Variants in DPY19L2 observed in about 807,000 individuals in gnomAD.
DPY19L2 encodes dpy-19 like 2, also known as probable C-mannosyltransferase DPY19L2.
DPY19L2 carries 34 observed loss-of-function variants against 97.9 expected under a neutral mutation model. That is an observed-to-expected ratio of 0.35 (90% CI 0.26 to 0.46). The LOEUF (loss-of-function observed/expected upper bound fraction) is 0.46. Among genes scored for constraint, DPY19L2 ranks in the 20% least tolerant of loss-of-function variants. DPY19L2 has a pLI of 1.00. For synonymous variants in DPY19L2, 230 were observed against 307.9 expected (o/e 0.75, Z 2.65); for missense variants, 623 against 911.4 (o/e 0.68, Z 4.07).
chr12:63,632,341 T>C (rs1256899855), intron 6 of DPY19L2, among the ~76,000 whole-genome samples: 1 of 152,156 alleles, frequency 6.6e-6, no homozygotes, highest in Non-Finnish European at 1.5e-5. Context: ...AAAATCTCCT[T>C]AAGCTGATAG....
chr12:63,562,503 G>A (rs1277801413), intron 21 of DPY19L2, among the ~76,000 whole-genome samples: 1 of 150,838 alleles, frequency 6.6e-6, no homozygotes, highest in Admixed American at 6.6e-5. Context: ...TACAATTACT[G>A]GGATGGATAT....
Position 63,600,350 on chromosome 12 carries a change from T to C in DPY19L2, c.1315A>G (p.Ile439Val), listed in dbSNP as rs1311302421. 4.4e-6 allele frequency: 7 copies of C among 1,609,010 alleles called. No individual in the cohort carries two copies. Among genetic ancestry groups the C allele is most frequent in the Non-Finnish European group, 5.9e-6 (7 of 1,177,444 alleles). Residue 439 changes from isoleucine to valine, a missense_variant, in exon 13 of 22, where the codon ATT (isoleucine) becomes GTT (valine). Around this residue, in one of 6 missense-constraint regions of DPY19L2, gnomAD observed 294 missense variants for 446.2 expected, o/e 0.66. Coordinates refer to ENST00000324472, the MANE Select transcript of DPY19L2 (RefSeq NM_173812.5). ...QGSAWWCGTI[I>V]LKFLTSKILG... ...ATTTTAGATGTCAGAAATTTCAAAA[T>C]GATTGTTCCACACCACCAGGCACTA...
intron 21 of DPY19L2, among the ~76,000 whole-genome samples, chr12:63,563,133 T>C (rs1380368616): frequency 6.6e-6 from 1 of 152,072 alleles, no homozygotes; most frequent in Admixed American, 6.6e-5. Flanking sequence ...TTTCTTATTA[T>C]TGGGTTTTGA....
intron 4 of DPY19L2, among the ~76,000 whole-genome samples, chr12:63,651,381 C>T (rs1894204823): frequency 6.6e-6 from 1 of 151,986 alleles, no homozygotes; most frequent in Non-Finnish European, 1.5e-5. Flanking sequence ...GCAATTGCAA[C>T]AAAACAAAGA....
rs1335115660 is a variant in DPY19L2 at position 63,630,768 on chromosome 12, T to C, written c.804-4242A>G. Among the ~76,000 whole-genome samples the C allele has an allele frequency of 2.6e-5, 4 of 152,230 alleles. No individual in the cohort carries two copies. The East Asian group carries it at 7.7e-4, about 29-fold the overall frequency. On this transcript the variant is annotated intron_variant, in intron 6 of 21. Transcript: ENST00000324472. Reference sequence around the variant, plus strand: ...TCCCAAATCAACAGAATATACATTCTTCTCAGCACCACACCGCACTTATTC... The same window carrying C: ...TCCCAAATCAACAGAATATACATTCCTCTCAGCACCACACCGCACTTATTC...
chr12:63,612,861 T>C (rs565848622), intron 11 of DPY19L2, among the ~76,000 whole-genome samples: 13 of 152,088 alleles, frequency 8.5e-5, no homozygotes, highest in Admixed American at 2.0e-4. Flanking sequence ...ATACTATAGA[T>C]ACATAAAAGA....
At chr12:63,633,884 T>TAA (rs1321617362) in intron 6 of DPY19L2, among the ~76,000 whole-genome samples, 2 of 152,248 alleles carry the variant, frequency 1.3e-5, no homozygotes, top group Admixed American at 1.3e-4. Flanking sequence ...TATGCAGCCA[T>TAA]AAAAAATGAT....
intron 3 of DPY19L2, among the ~76,000 whole-genome samples, chr12:63,662,825 A>G (rs1895856341): frequency 6.6e-6 from 1 of 152,162 alleles, no homozygotes; most frequent in Non-Finnish European, 1.5e-5. Flanking sequence ...CAATGCTTTG[A>G]AACTTTATAG....
At chr12:63,577,489 G>A (rs1489697498) in intron 19 of DPY19L2, among the ~76,000 whole-genome samples, 1 of 152,114 alleles carries the variant, frequency 6.6e-6, no homozygotes, top group East Asian at 1.9e-4. Flanking sequence ...AATCAGCAAA[G>A]TGAAGAGACA....
rs1893131823 is a variant in DPY19L2, at chr12:63,644,514, T to C, written c.710-18A>G. On this transcript the variant is annotated intron_variant, in intron 5 of 21. Coordinates refer to ENST00000324472, the MANE Select transcript of DPY19L2 (RefSeq NM_173812.5). ...TCCCAATCCTTTGAAAAGATACAGA[T>C]AATCAGTGTTTAATGAATATATGAC... 6.2e-7 allele frequency: 1 copy of C among 1,600,260 alleles called. No individual in the cohort carries two copies. The highest frequency in any genetic ancestry group is 8.5e-7 in the Non-Finnish European group (1 of 1,175,646).
At position 63,600,382 on chromosome 12, in the gene DPY19L2, A is replaced by G. The variant is rs1294392018; in HGVS notation, c.1283T>C (p.Ile428Thr). 6.3e-7 allele frequency: 1 copy of G among 1,582,724 alleles called. No individual in the cohort carries two copies. The highest frequency in any genetic ancestry group is 8.7e-7 in the Non-Finnish European group (1 of 1,154,452). ...LGVSKLNFWL[I>T]QGSAWWCGTI... ...TCCACACCACCAGGCACTACCTTGAATTAGCTAGAAAATAAAATAGAAGTC... is the reference window on the plus strand; with the variant it reads ...TCCACACCACCAGGCACTACCTTGAGTTAGCTAGAAAATAAAATAGAAGTC... The change falls in exon 13 of 22, where the codon ATT becomes ACT. Residue 428 changes from isoleucine to threonine, a missense_variant. Ile to Thr is a moderately conservative substitution (Grantham distance 89). Coordinates refer to ENST00000324472, the MANE Select transcript of DPY19L2 (RefSeq NM_173812.5).
rs546274208 is a variant in DPY19L2 at position 63,668,374 on chromosome 12, C to T, written c.20G>A (p.Ser7Asn). Residue 7 changes from serine (S) to asparagine (N), a missense_variant, in exon 1 of 22, where the codon AGC (serine) becomes AAC (asparagine). Around this residue, in one of 6 missense-constraint regions of DPY19L2, gnomAD observed 144 missense variants for 119.4 expected, o/e 1.21. Coordinates refer to ENST00000324472, the MANE Select transcript of DPY19L2 (RefSeq NM_173812.5). MRKQGVSSKRLQSSGRS... is the reference protein window; with the variant it reads MRKQGVNSKRLQSSGRS... ...GCCGGAAGATTGCAGCCGCTTTGAG[C>T]TTACTCCTTGTTTTCTCATAATCAA... is the stretch of plus-strand genomic sequence containing the variant. 1.2e-6 allele frequency: 2 copies of T among 1,612,668 alleles called. No individual in the cohort carries two copies. The highest frequency in any genetic ancestry group is 3.3e-5 in the Admixed American group (2 of 59,858).
At chr12:63,649,641 C>T (rs1191596532) in intron 4 of DPY19L2, among the ~76,000 whole-genome samples, 1 of 151,930 alleles carries the variant, frequency 6.6e-6, no homozygotes, top group Admixed American at 6.6e-5. Flanking sequence ...GAAATGAAAA[C>T]CCTGAATAGA....
chr12:63,561,033 G>A (rs1041136260), intron 21 of DPY19L2, among the ~76,000 whole-genome samples: 5 of 152,010 alleles, frequency 3.3e-5, no homozygotes, highest in South Asian at 2.1e-4. Flanking sequence ...AAACCTAATC[G>A]AATTCCTGAT....
At chr12:63,610,853 A>AAAAAAAAAAAAAAAAAAAAAAAC (rs1886845493) in intron 11 of DPY19L2, among the ~76,000 whole-genome samples, 1 of 92,198 alleles carries the variant, frequency 1.1e-5, no homozygotes, top group Non-Finnish European at 2.2e-5. Context: ...AAAAAAAAAA[A>AAAAAAAAAAAAAAAAAAAAAAAC]AAAAAAAAAA....
chr12:63,560,743 C>T, intron 21 of DPY19L2, 81 bp from the exon 22 acceptor site: 1 of 1,498,938 alleles, frequency 6.7e-7, no homozygotes, highest in Non-Finnish European at 9.0e-7. Context: ...TCTAGATTTT[C>T]AGAGACAAAT....
chr12:63,620,430 A>G (rs1888503512), intron 9 of DPY19L2, among the ~76,000 whole-genome samples: 1 of 152,190 alleles, frequency 6.6e-6, no homozygotes, highest in South Asian at 2.1e-4. Context: ...TTCCCAGGAC[A>G]AAAGGAAAAT....
chr12:63,599,842 C>G (rs1250683384), intron 13 of DPY19L2, among the ~76,000 whole-genome samples: 2 of 152,020 alleles, frequency 1.3e-5, no homozygotes, highest in Non-Finnish European at 1.5e-5. Flanking sequence ...TTAACATTCT[C>G]TTTTTATATA....
At chr12:63,652,647 A>G in intron 4 of DPY19L2, among the ~76,000 whole-genome samples, 1 of 152,222 alleles carries the variant, frequency 6.6e-6, no homozygotes, top group East Asian at 1.9e-4. Context: ...GTTAGAGGCC[A>G]GTATGCTAAG....
Sources: gnomAD v4.1 joint callset for allele counts (sites outside exome capture counted in the v4.1 genomes callset) on GRCh38, gnomAD v4.1.1 for gene constraint, gnomAD v4.1.1 regional missense constraint, MANE v1.5 for transcripts, NCBI Gene and HGNC (gene_info 2026-07-23, HGNC 2026-07-21) for gene names.